Variants in CSGALNACT1 observed in about 807,000 individuals in gnomAD.
The protein encoded by CSGALNACT1 is beta4GalNAcT-1.
In CSGALNACT1, 52 loss-of-function variants were observed where a neutral mutation model predicts 51.0. The observed-to-expected ratio is 1.02, with a 90% CI of 0.82 to 1.29. The LOEUF is 1.29. CSGALNACT1 is among the 50% of genes most tolerant of loss of function. The probability of loss-of-function intolerance (pLI) is 0.00; values close to 1 mark genes in which losing one functional copy is unlikely to be tolerated. For missense variants in CSGALNACT1, 935 were observed against 679.2 expected, an observed-to-expected ratio of 1.38 and a Z score of -4.19; for synonymous variants, 341 against 254.4, an observed-to-expected ratio of 1.34 and a Z score of -3.24.
upstream of CSGALNACT1, among the ~76,000 whole-genome samples, chr8:19,686,725 C>G (rs1057109726): frequency 2.6e-5 from 4 of 152,210 alleles, no homozygotes; most frequent in Non-Finnish European, 5.9e-5. Context: ...AGAAGCTGGA[C>G]AGGGAGGGAA....
chr8:19,621,511 T>A (rs1487106993), intron 1 of CSGALNACT1, among the ~76,000 whole-genome samples: 1 of 152,186 alleles, frequency 6.6e-6, no homozygotes, highest in Non-Finnish European at 1.5e-5. Context: ...CCAGGCACAG[T>A]GGCTGTTATG....
intron 1 of CSGALNACT1, among the ~76,000 whole-genome samples, chr8:19,662,884 T>A (rs189126844): frequency 3.3e-5 from 5 of 152,122 alleles, no homozygotes; most frequent in Admixed American, 3.3e-4. Context: ...ATCCAGCTAC[T>A]CTGAGCCTTC....
chr8:19,545,654 C>A lies in CSGALNACT1; in HGVS notation c.-296-39524G>T, dbSNP rs371497108. Among the ~76,000 whole-genome samples the A allele has an allele frequency of 5.9e-5, 9 of 151,804 alleles. No individual in the cohort carries two copies. The East Asian group carries it at 1.7e-3, about 29-fold the overall frequency. Reference sequence around the variant, plus strand: ...ATGCTAAAAAGATAAAGTAGTAAAACAATAAGGGAGAAAAAACGTAAGGAA... The same window carrying A: ...ATGCTAAAAAGATAAAGTAGTAAAAAAATAAGGGAGAAAAAACGTAAGGAA... On this transcript the variant is annotated intron_variant, in intron 3 of 9. Coordinates refer to ENST00000454498, the Ensembl canonical transcript of CSGALNACT1.
chr8:19,475,430 AC>A (rs748507049), intron 4 of CSGALNACT1, among the ~76,000 whole-genome samples: 2 of 152,174 alleles, frequency 1.3e-5, no homozygotes, highest in Non-Finnish European at 2.9e-5. Context: ...AAAATCTGTA[AC>A]AATCTGAATA....
At chr8:19,680,742 C>A (rs1478585365) in intron 1 of CSGALNACT1, among the ~76,000 whole-genome samples, 1 of 152,086 alleles carries the variant, frequency 6.6e-6, no homozygotes. Flanking sequence ...TAGGCAATTT[C>A]ATCAGCACGT....
intron 3 of CSGALNACT1, among the ~76,000 whole-genome samples, chr8:19,555,696 G>C (rs925577039): frequency 1.2e-4 from 18 of 152,106 alleles, no homozygotes; most frequent in African/African-American, 3.9e-4. Context: ...AGCATGTTAC[G>C]GGTGGTTAGG....
intron 1 of CSGALNACT1, among the ~76,000 whole-genome samples, chr8:19,615,314 T>C (rs944831924): frequency 6.6e-6 from 1 of 152,182 alleles, no homozygotes; most frequent in Non-Finnish European, 1.5e-5. Context: ...ATCAATCAAC[T>C]GATAAATAAC....
chr8:19,599,855 C>T (rs754000837), intron 2 of CSGALNACT1, among the ~76,000 whole-genome samples: 15 of 152,224 alleles, frequency 9.9e-5, no homozygotes, highest in Admixed American at 3.3e-4. Flanking sequence ...GAGAAGACAG[C>T]AAATGAGTTG....
chr8:19,590,404 C>G (rs2047554318), intron 3 of CSGALNACT1, among the ~76,000 whole-genome samples: 2 of 152,122 alleles, frequency 1.3e-5, no homozygotes, highest in Admixed American at 1.3e-4. Flanking sequence ...TATCTTTGCA[C>G]AACTGCCCTT....
At chr8:19,663,510 TC>T (rs1169111248) in intron 1 of CSGALNACT1, among the ~76,000 whole-genome samples, 1 of 152,178 alleles carries the variant, frequency 6.6e-6, no homozygotes, top group Non-Finnish European at 1.5e-5. Flanking sequence ...TACAAGCAAC[TC>T]TGTTCCAAAG....
chr8:19,744,916 C>T (rs939364657), intron 1 of CSGALNACT1, among the ~76,000 whole-genome samples: 1 of 152,184 alleles, frequency 6.6e-6, no homozygotes, highest in Admixed American at 6.5e-5. Context: ...GGTCCCTATA[C>T]TCCAGGAGTC....
chr8:19,673,265 C>T (rs1013130843), intron 1 of CSGALNACT1, among the ~76,000 whole-genome samples: 7 of 152,216 alleles, frequency 4.6e-5, no homozygotes, highest in African/African-American at 1.7e-4. Context: ...AGTATTGGTG[C>T]TACGTAACTA....
chr8:19,661,569 T>G (rs947828967), intron 1 of CSGALNACT1, among the ~76,000 whole-genome samples: 29 of 152,142 alleles, frequency 1.9e-4, no homozygotes, highest in Non-Finnish European at 3.1e-4. Flanking sequence ...TCCCGCTATG[T>G]GGAGTTTAAG....
chr8:19,583,498 G>A (rs542981044), intron 3 of CSGALNACT1, among the ~76,000 whole-genome samples: 1 of 152,274 alleles, frequency 6.6e-6, no homozygotes, highest in Admixed American at 6.5e-5. Context: ...TACCAGATCA[G>A]CTTCTGGCAT....
At chr8:19,446,638 C>G (rs564131502) in intron 5 of CSGALNACT1, among the ~76,000 whole-genome samples, 1 of 152,108 alleles carries the variant, frequency 6.6e-6, no homozygotes, top group African/African-American at 2.4e-5. Flanking sequence ...CCTAACTTCC[C>G]GAGCAGCTGG....
intron 1 of CSGALNACT1, among the ~76,000 whole-genome samples, chr8:19,623,568 A>G (rs2054090542): frequency 6.6e-6 from 1 of 152,252 alleles, no homozygotes; most frequent in African/African-American, 2.4e-5. Context: ...GAATGTTTAC[A>G]ACAATTAACT....
At chr8:19,530,981 A>G (rs1563923541) in intron 3 of CSGALNACT1, among the ~76,000 whole-genome samples, 2 of 152,222 alleles carry the variant, frequency 1.3e-5, no homozygotes, top group South Asian at 2.1e-4. Context: ...TCATCAGTCA[A>G]TCAGTATCAG....
upstream of CSGALNACT1, among the ~76,000 whole-genome samples, chr8:19,684,231 T>C (rs1429031828): frequency 1.3e-5 from 2 of 151,948 alleles, no homozygotes; most frequent in South Asian, 2.1e-4. Flanking sequence ...GGCAGATCAA[T>C]GCAAGAGAAC....
At chr8:19,654,561 T>C (rs1017431452) in intron 1 of CSGALNACT1, among the ~76,000 whole-genome samples, 3 of 152,182 alleles carry the variant, frequency 2.0e-5, no homozygotes, top group African/African-American at 7.2e-5. Flanking sequence ...GTAATTATTT[T>C]TGAGAGGGGG....
Sources: gnomAD v4.1 joint callset for allele counts (sites outside exome capture counted in the v4.1 genomes callset) on GRCh38, gnomAD v4.1.1 for gene constraint, MANE v1.5 for transcripts, NCBI Gene and HGNC (gene_info 2026-07-23, HGNC 2026-07-21) for gene names.